QTMAN: variants seen among roughly 807,000 people sequenced by gnomAD.
QTMAN encodes tRNA-queuosine alpha-mannosyltransferase.
chr2:144,100,791 C>T, the QTMAN span, among the ~76,000 whole-genome samples: 1 of 151,160 alleles, frequency 6.6e-6, no homozygotes, highest in Admixed American at 6.6e-5. Flanking sequence ...TTCAGGAATT[C>T]CTTGAAAAGA....
chr2:144,178,971 C>T, the QTMAN span: 25 of 469,032 alleles, frequency 5.3e-5, no homozygotes, highest in Admixed American at 2.4e-4. Context: ...CTGGTAAAAA[C>T]GAGAGTTAGA....
chr2:144,135,860 G>A, the QTMAN span, among the ~76,000 whole-genome samples: 2 of 152,010 alleles, frequency 1.3e-5, no homozygotes, highest in African/African-American at 2.4e-5. Context: ...AGTTACTTAC[G>A]TTTTCTATGC....
the QTMAN span, among the ~76,000 whole-genome samples, chr2:143,980,984 AAC>A: frequency 4.6e-5 from 7 of 152,246 alleles, no homozygotes; most frequent in African/African-American, 9.6e-5. Context: ...TTGTGTTTGA[AAC>A]ACATTCTCTT....
the QTMAN span, among the ~76,000 whole-genome samples, chr2:144,095,072 T>G: frequency 6.6e-6 from 1 of 152,156 alleles, no homozygotes. Flanking sequence ...TTAAACTCCT[T>G]TTTAAAAGCC....
At chr2:144,037,378 G>A in the QTMAN span, among the ~76,000 whole-genome samples, 1 of 152,134 alleles carries the variant, frequency 6.6e-6, no homozygotes, top group Non-Finnish European at 1.5e-5. Flanking sequence ...ATTTAGTACT[G>A]ACTAAGAACA....
the QTMAN span, among the ~76,000 whole-genome samples, chr2:144,161,456 C>T: frequency 6.6e-6 from 1 of 151,924 alleles, no homozygotes; most frequent in Non-Finnish European, 1.5e-5. Context: ...ATGTGAATGC[C>T]CAAATTTCAT....
the QTMAN span, among the ~76,000 whole-genome samples, chr2:144,036,548 T>C: frequency 2.0e-5 from 3 of 150,976 alleles, no homozygotes; most frequent in African/African-American, 7.4e-5. Context: ...TTCCTTACTA[T>C]CTGTGTGTCT....
the QTMAN span, among the ~76,000 whole-genome samples, chr2:144,088,873 A>G: frequency 6.6e-6 from 1 of 152,088 alleles, no homozygotes. Context: ...AAATATTAGG[A>G]GTAAGCCTAG....
chr2:143,952,096 T>A, the QTMAN span: 5 of 1,425,440 alleles, frequency 3.5e-6, no homozygotes, highest in Non-Finnish European at 4.9e-6. Flanking sequence ...CAGATACATT[T>A]TTAATGAAAC....
At chr2:144,261,342 G>T in the QTMAN span, among the ~76,000 whole-genome samples, 3 of 151,950 alleles carry the variant, frequency 2.0e-5, no homozygotes, top group South Asian at 2.1e-4. Flanking sequence ...GGGAGGGGGG[G>T]ATGATATTTA....
the QTMAN span, among the ~76,000 whole-genome samples, chr2:144,127,494 T>C: frequency 6.6e-6 from 1 of 152,036 alleles, no homozygotes; most frequent in Admixed American, 6.6e-5. Flanking sequence ...TGACAAAACA[T>C]GGTAGTGGTA....
chr2:144,090,851 T>G, the QTMAN span, among the ~76,000 whole-genome samples: 6 of 151,954 alleles, frequency 3.9e-5, no homozygotes, highest in African/African-American at 1.4e-4. Flanking sequence ...ACAACCTTAT[T>G]CTAAAATTCA....
chr2:144,140,057 A>C, the QTMAN span, among the ~76,000 whole-genome samples: 2 of 152,196 alleles, frequency 1.3e-5, no homozygotes, highest in East Asian at 3.9e-4. Context: ...AGGCGTTAGA[A>C]TGATTGTCAT....
chr2:144,058,696 A>G, the QTMAN span, among the ~76,000 whole-genome samples: 1 of 152,198 alleles, frequency 6.6e-6, no homozygotes, highest in Non-Finnish European at 1.5e-5. Context: ...GGGACGCTCC[A>G]AACTCCTAGT....
chr2:143,986,367 T>C, the QTMAN span, among the ~76,000 whole-genome samples: 1 of 152,214 alleles, frequency 6.6e-6, no homozygotes, highest in East Asian at 1.9e-4. Flanking sequence ...ACAGGCTTTG[T>C]ACAAGATATT....
At chr2:144,173,146 A>G in the QTMAN span, among the ~76,000 whole-genome samples, 1 of 152,024 alleles carries the variant, frequency 6.6e-6, no homozygotes, top group South Asian at 2.1e-4. Context: ...CTTCTGGTGA[A>G]TGTTTTCTTC....
the QTMAN span, among the ~76,000 whole-genome samples, chr2:144,269,201 C>T: frequency 6.6e-6 from 1 of 152,166 alleles, no homozygotes; most frequent in Non-Finnish European, 1.5e-5. Context: ...AATAAGTATT[C>T]ACCGTTACTT....
At chr2:144,276,214 T>TA in the QTMAN span, among the ~76,000 whole-genome samples, 40 of 149,840 alleles carry the variant, frequency 2.7e-4, no homozygotes, top group Admixed American at 7.3e-4. Flanking sequence ...TGGTTTTTTT[T>TA]AAAAAAAAAA....
chr2:144,279,495 T>G, the QTMAN span, among the ~76,000 whole-genome samples: 1 of 152,176 alleles, frequency 6.6e-6, no homozygotes, highest in Admixed American at 6.5e-5. Flanking sequence ...AAGGAAATGC[T>G]GCGGAACAGC....
Sources: allele counts gnomAD v4.1 joint callset (sites outside exome capture counted in the v4.1 genomes callset), GRCh38; gene constraint gnomAD v4.1.1; transcripts MANE v1.5; gene names NCBI Gene and HGNC (gene_info 2026-07-23, HGNC 2026-07-21).